FRMD4A: variants seen among roughly 807,000 people sequenced by gnomAD.
FRMD4A encodes the protein FERM domain containing 4A.
In FRMD4A, 29 loss-of-function variants were observed where a neutral mutation model predicts 129.1. That is an observed-to-expected ratio of 0.22 (90% CI 0.17 to 0.31). The LOEUF is 0.31. Among genes scored for constraint, FRMD4A ranks in the 10% least tolerant of loss-of-function variants. The pLI, the probability that FRMD4A is intolerant of heterozygous loss-of-function variation, is 1.00. For missense variants in FRMD4A, 1,272 were observed against 1,375.8 expected (o/e 0.92, Z 1.19); for synonymous variants, 634 against 571.6 (o/e 1.11, Z -1.56).
chr10:14,157,807 C>G (rs1030863208), intron 2 of FRMD4A, among the ~76,000 whole-genome samples: 2 of 152,210 alleles, frequency 1.3e-5, no homozygotes, highest in African/African-American at 4.8e-5. Context: ...AGAACTTAAT[C>G]TTTAAGGATG....
chr10:14,061,835 G>C (rs1025377785), intron 2 of FRMD4A, among the ~76,000 whole-genome samples: 10 of 152,212 alleles, frequency 6.6e-5, no homozygotes, highest in Non-Finnish European at 1.3e-4. Flanking sequence ...GATACCATAT[G>C]AGCCACAGGA....
At chr10:13,930,450 G>A (rs2095180785) in intron 2 of FRMD4A, among the ~76,000 whole-genome samples, 1 of 152,192 alleles carries the variant, frequency 6.6e-6, no homozygotes. Flanking sequence ...CTTTCAAGGA[G>A]TCAGAAAGGA....
intron 14 of FRMD4A, among the ~76,000 whole-genome samples, chr10:13,695,910 T>G (rs948059862): frequency 1.3e-5 from 2 of 152,246 alleles, no homozygotes; most frequent in African/African-American, 4.8e-5. Flanking sequence ...GCCCTCGACG[T>G]TGCTGTCCAC....
intron 24 of FRMD4A, 125 bp downstream of exon 24, chr10:13,651,778 A>T (rs534349733): frequency 1.5e-6 from 1 of 667,510 alleles, no homozygotes; most frequent in East Asian, 2.6e-5. Context: ...TTCCCCATGT[A>T]TCTAGAAATA....
At chr10:14,190,809 C>A (rs1842293693) in intron 2 of FRMD4A, among the ~76,000 whole-genome samples, 1 of 152,156 alleles carries the variant, frequency 6.6e-6, no homozygotes, top group Admixed American at 6.5e-5. Flanking sequence ...GGAAAAGTTT[C>A]AGGGGGTGGA....
intron 2 of FRMD4A, among the ~76,000 whole-genome samples, chr10:14,250,791 A>C (rs1482808367): frequency 6.6e-6 from 1 of 152,168 alleles, no homozygotes; most frequent in Non-Finnish European, 1.5e-5. Flanking sequence ...GCAGAGAGGG[A>C]ATGGGCAGTC....
chr10:13,850,443 ACTGCT>A (rs2094125371), intron 3 of FRMD4A, among the ~76,000 whole-genome samples: 1 of 152,136 alleles, frequency 6.6e-6, no homozygotes, highest in Non-Finnish European at 1.5e-5. Context: ...TATTTCATCC[ACTGCT>A]GTGGAAGTGT....
chr10:13,667,831 C>G (rs552131024), intron 17 of FRMD4A: 15 of 152,332 alleles, frequency 9.8e-5, no homozygotes, highest in Admixed American at 9.1e-4. Flanking sequence ...TTGCCTAACC[C>G]CACAGCTAGT....
At chr10:13,775,654 C>A (rs949446117) in intron 6 of FRMD4A, among the ~76,000 whole-genome samples, 5 of 152,120 alleles carry the variant, frequency 3.3e-5, no homozygotes, top group African/African-American at 1.2e-4. Context: ...GAAGGAAAGA[C>A]CCTGATGGGG....
chr10:13,672,767 C>T (rs1195574747), intron 16 of FRMD4A, among the ~76,000 whole-genome samples: 1 of 152,142 alleles, frequency 6.6e-6, no homozygotes, highest in African/African-American at 2.4e-5. Flanking sequence ...CGTCTTGATA[C>T]TCTGAGCTGA....
chr10:14,017,142 G>A (rs762180937), intron 2 of FRMD4A, among the ~76,000 whole-genome samples: 1 of 152,200 alleles, frequency 6.6e-6, no homozygotes, highest in African/African-American at 2.4e-5. Context: ...ATGGCTTATT[G>A]TGTGTGCTAT....
chr10:14,277,909 G>A (rs1845395937), intron 2 of FRMD4A, among the ~76,000 whole-genome samples: 1 of 152,186 alleles, frequency 6.6e-6, no homozygotes. Flanking sequence ...CACTACAGTT[G>A]GTTGTAAATA....
intron 3 of FRMD4A, among the ~76,000 whole-genome samples, chr10:13,812,877 G>T (rs2093472929): frequency 6.6e-6 from 1 of 152,192 alleles, no homozygotes. Flanking sequence ...TAACCAACAG[G>T]GAATTCAAGG....
chr10:14,047,275 G>A (rs1225405495), intron 2 of FRMD4A, among the ~76,000 whole-genome samples: 1 of 152,160 alleles, frequency 6.6e-6, no homozygotes, highest in Admixed American at 6.5e-5. Flanking sequence ...GGTTACGTGG[G>A]TGTGATATTG....
intron 2 of FRMD4A, among the ~76,000 whole-genome samples, chr10:14,091,747 T>C (rs1250845998): frequency 3.3e-5 from 5 of 152,244 alleles, no homozygotes; most frequent in Non-Finnish European, 5.9e-5. Context: ...CTTAGTTTTC[T>C]TACTTGGGTA....
chr10:13,686,592 G>A (rs988063162), intron 15 of FRMD4A, among the ~76,000 whole-genome samples: 6 of 152,204 alleles, frequency 3.9e-5, no homozygotes, highest in Non-Finnish European at 8.8e-5. Flanking sequence ...AAGTGTCAGA[G>A]CCAGGGTACA....
chr10:13,671,035 T>C (rs369102142), intron 16 of FRMD4A, among the ~76,000 whole-genome samples: 1 of 152,274 alleles, frequency 6.6e-6, no homozygotes, highest in Non-Finnish European at 1.5e-5. Flanking sequence ...GGTATCTATA[T>C]GGCAAATCCC....
intron 2 of FRMD4A, among the ~76,000 whole-genome samples, chr10:14,041,146 CTTCT>C (rs932476943): frequency 7.9e-5 from 12 of 152,168 alleles, no homozygotes; most frequent in African/African-American, 2.7e-4. Context: ...CTCGTTTCTT[CTTCT>C]TTGTTTTGTT....
At chr10:13,844,567 C>T (rs879273001) in intron 3 of FRMD4A, among the ~76,000 whole-genome samples, 6 of 152,058 alleles carry the variant, frequency 3.9e-5, no homozygotes, top group African/African-American at 7.2e-5. Flanking sequence ...TAAGATCTAT[C>T]GACAATTTAA....
Sources: gnomAD v4.1 joint callset for allele counts (sites outside exome capture counted in the v4.1 genomes callset) on GRCh38, gnomAD v4.1.1 for gene constraint, MANE v1.5 for transcripts, NCBI Gene and HGNC (gene_info 2026-07-23, HGNC 2026-07-21) for gene names.